GRK4: variants seen among roughly 807,000 people sequenced by gnomAD.
GRK4 encodes the protein G protein-coupled receptor kinase 4.
GRK4 carries 73 observed loss-of-function variants against 77.9 expected under a neutral mutation model. The observed-to-expected ratio is 0.94, with a 90% CI of 0.78 to 1.14. GRK4 has a LOEUF of 1.14. GRK4 is among the 50% of genes most tolerant of loss of function. The pLI, the probability that GRK4 is intolerant of heterozygous loss-of-function variation, is 0.00. For missense variants in GRK4, 729 were observed against 700.2 expected, an observed-to-expected ratio of 1.04 and a Z score of -0.46; for synonymous variants, 257 against 254.4, an observed-to-expected ratio of 1.01 and a Z score of -0.10.
intron 12 of GRK4, 64 bp from the exon 13 acceptor site, chr4:3,035,322 G>A: frequency 6.6e-7 from 1 of 1,517,126 alleles, no homozygotes; most frequent in Non-Finnish European, 9.2e-7. Context: ...TTATTATGCA[G>A]GGGAGTTTTG....
intron 6 of GRK4, among the ~76,000 whole-genome samples, chr4:3,008,325 T>C (rs187529145): frequency 6.6e-6 from 1 of 152,342 alleles, no homozygotes; most frequent in East Asian, 1.9e-4. Context: ...TAAACCCTGC[T>C]CAGCCTCTTA....
chr4:2,969,494 A>G (rs1316339432), intron 1 of GRK4, among the ~76,000 whole-genome samples: 1 of 150,608 alleles, frequency 6.6e-6, no homozygotes, highest in Non-Finnish European at 1.5e-5. Flanking sequence ...CTCCTGCCTC[A>G]GCCTCCCAAG....
Position 3,037,416 on chromosome 4 carries a change from T to C in GRK4, c.1450T>C (p.Phe484Leu), listed in dbSNP as rs1741047013. ...TAAGGACGTCCTGGATATCGAGCAG[T>C]TCTCGGTGGTGAAAGGGATCTACCT... ...YCKDVLDIEQFSVVKGIYLDT... is the reference protein window; with the variant it reads ...YCKDVLDIEQLSVVKGIYLDT... Residue 484 changes from phenylalanine to leucine, a missense_variant, in exon 14 of 16, where the codon TTC (phenylalanine) becomes CTC (leucine). Physicochemically the swap from Phe to Leu is conservative, Grantham distance 22. Transcript: ENST00000398052. The C allele has an allele frequency of 6.2e-7, 1 of 1,611,144 alleles. No individual in the cohort carries two copies. Among genetic ancestry groups the C allele is most frequent in the Non-Finnish European group, 8.5e-7 (1 of 1,177,740 alleles).
At chr4:3,031,337 G>T (rs1739108270) in intron 12 of GRK4, among the ~76,000 whole-genome samples, 1 of 152,228 alleles carries the variant, frequency 6.6e-6, no homozygotes, top group Non-Finnish European at 1.5e-5. Context: ...TGTGAGGAAA[G>T]GGGAGGCTTG....
intron 1 of GRK4, among the ~76,000 whole-genome samples, chr4:2,976,872 C>G (rs574096413): frequency 3.3e-5 from 5 of 152,256 alleles, no homozygotes; most frequent in Non-Finnish European, 7.4e-5. Flanking sequence ...CTGCCGACCT[C>G]AGGTGATCTG....
At chr4:3,036,486 GA>G (rs2110088632) in intron 13 of GRK4, among the ~76,000 whole-genome samples, 1 of 152,392 alleles carries the variant, frequency 6.6e-6, no homozygotes, top group Non-Finnish European at 1.5e-5. Context: ...AGTCCTGGGT[GA>G]AAAGTTTCTC....
chr4:3,011,948 C>T (rs1324096144), intron 7 of GRK4, among the ~76,000 whole-genome samples: 3 of 152,176 alleles, frequency 2.0e-5, no homozygotes, highest in Non-Finnish European at 2.9e-5. Context: ...TGGGCAGACC[C>T]GAGGTCAGGG....
Position 2,964,049 on chromosome 4 carries a change from CCGG to C in GRK4, c.-10_-8del, listed in dbSNP as rs574844470. 2.5e-6 allele frequency: 4 copies of C among 1,602,450 alleles called. No individual in the cohort carries two copies. The highest frequency in any genetic ancestry group is 1.1e-5 in the South Asian group (1 of 89,602). On this transcript the variant is annotated 5_prime_UTR_variant, in exon 1 of 16. Coordinates refer to ENST00000398052, the MANE Select transcript of GRK4 (RefSeq NM_182982.3). ...AGTCTCCTCGGTCTCGCAGAATCCG[CCGG>C]CGGCGGCGGCGCCAGGACATGGAGC...
At chr4:2,979,403 C>CAAAAAAA (rs144374548) in intron 1 of GRK4, among the ~76,000 whole-genome samples, 1 of 59,194 alleles carries the variant, frequency 1.7e-5, no homozygotes, top group African/African-American at 6.9e-5. Context: ...GACTCTGTCT[C>CAAAAAAA]AAAAAAAAAA....
rs764549771 is a variant in GRK4 at position 3,019,723 on chromosome 4, A to G, written c.824A>G (p.His275Arg). 34 of 1,614,100 alleles carry G rather than the reference A, an allele frequency of 2.1e-5. No individual in the cohort carries two copies. In the Admixed American group the frequency reaches 5.2e-4, roughly 25 times the overall value. ...TIMNGGDLKF[H>R]IYNLGNPGFD... The stretch of plus-strand genomic sequence containing the variant: ...ATGAATGGAGGGGATTTGAAGTTTC[A>G]CATTTACAACCTGGGCAATCCCGGC... The change falls in exon 9 of 16, where the codon CAC becomes CGC. Residue 275 changes from histidine (H) to arginine (R), a missense_variant. By Grantham distance (29) the His-to-Arg change is conservative. Coordinates refer to ENST00000398052, the MANE Select transcript of GRK4 (RefSeq NM_182982.3).
Position 2,988,749 on chromosome 4 carries a change from T to TGA in GRK4, c.172_173dup (p.Asp58GlufsTer6). 6.2e-7 allele frequency: 1 copy of TGA among 1,610,810 alleles called. No individual in the cohort carries two copies. Among genetic ancestry groups the TGA allele is most frequent in the Non-Finnish European group, 8.5e-7 (1 of 1,177,084 alleles). The stretch of plus-strand genomic sequence containing the variant: ...CAGAAAAGGATTATAGCAGTCTTTG[T>TGA]GACAAGCAACCGATAGGAAGACGTC... On this transcript the variant is annotated frameshift_variant, in exon 3 of 16. Transcript: ENST00000398052. LOFTEE classifies it high-confidence loss of function.
At chr4:2,973,591 G>A (rs1015512859) in intron 1 of GRK4, among the ~76,000 whole-genome samples, 3 of 152,128 alleles carry the variant, frequency 2.0e-5, no homozygotes, top group Admixed American at 6.5e-5. Flanking sequence ...TGACTTACTC[G>A]CACCCCCACA....
At chr4:2,995,341 A>G (rs959440837) in intron 4 of GRK4, among the ~76,000 whole-genome samples, 1 of 152,096 alleles carries the variant, frequency 6.6e-6, no homozygotes, top group African/African-American at 2.4e-5. Context: ...TGTTGACCTA[A>G]AATGAAGAAG....
intron 10 of GRK4, among the ~76,000 whole-genome samples, chr4:3,025,695 A>G (rs1456857213): frequency 2.6e-5 from 4 of 152,068 alleles, no homozygotes; most frequent in African/African-American, 9.7e-5. Context: ...CCGGCCAGCA[A>G]TCTAATTTTT....
intron 12 of GRK4, among the ~76,000 whole-genome samples, chr4:3,031,615 G>A (rs1028421232): frequency 2.6e-5 from 4 of 152,198 alleles, no homozygotes; most frequent in Admixed American, 1.3e-4. Flanking sequence ...CACAGGGAAC[G>A]GCAGGTTCAA....
chr4:3,028,142 A>G (rs1348189987), intron 11 of GRK4, 141 bp downstream of exon 11: 10 of 702,496 alleles, frequency 1.4e-5, no homozygotes, highest in Non-Finnish European at 2.5e-5. Context: ...TTGAATCTCT[A>G]ACCTGTCAGA....
At chr4:3,030,957 C>A (rs547906226) in intron 12 of GRK4, among the ~76,000 whole-genome samples, 1 of 152,062 alleles carries the variant, frequency 6.6e-6, no homozygotes, top group African/African-American at 2.4e-5. Flanking sequence ...GGCTTTGCAG[C>A]GATTCAGGTG....
intron 12 of GRK4, among the ~76,000 whole-genome samples, chr4:3,031,460 G>C (rs915965049): frequency 6.6e-6 from 1 of 152,172 alleles, no homozygotes; most frequent in African/African-American, 2.4e-5. Context: ...GACGGTGCAG[G>C]CTCAGAGCCA....
At chr4:2,979,570 G>A (rs2185887) in intron 1 of GRK4, among the ~76,000 whole-genome samples, 55,142 of 152,028 alleles carry the variant, frequency 0.36, 10,470 homozygotes, top group African/African-American at 0.44. Context: ...AAAATTAGCC[G>A]GGCGTGGTGG....
Sources: gnomAD v4.1 joint callset for allele counts (sites outside exome capture counted in the v4.1 genomes callset) on GRCh38, gnomAD v4.1.1 for gene constraint, MANE v1.5 for transcripts, NCBI Gene and HGNC (gene_info 2026-07-23, HGNC 2026-07-21) for gene names.